The following ANKRD50 variants were observed in gnomAD, a reference collection of about 807,000 sequenced individuals.
The protein encoded by ANKRD50 is ankyrin repeat domain 50.
Under a neutral mutation model 112.0 loss-of-function variants are expected in ANKRD50, and 40 were observed. That is an observed-to-expected ratio of 0.36 (90% CI 0.28 to 0.46). The LOEUF is 0.46. Among genes scored for constraint, ANKRD50 ranks in the 20% least tolerant of loss-of-function variants. The pLI, the probability that ANKRD50 is intolerant of heterozygous loss-of-function variation, is 1.00. For missense variants in ANKRD50, 1,487 were observed against 1,701.7 expected (o/e 0.87, Z 2.22); for synonymous variants, 613 against 619.1 (o/e 0.99, Z 0.15).
chr4:124,671,779 A>T lies in ANKRD50; in HGVS notation c.1498T>A (p.Leu500Met). ...IPKEQEVLQL[L>M]VKAGAHVNSE... ...TTGACATGAGCCCCAGCTTTAACCAACAGCTGTAGCACTTCTTGTTCCTTG... is the reference window on the plus strand; with the variant it reads ...TTGACATGAGCCCCAGCTTTAACCATCAGCTGTAGCACTTCTTGTTCCTTG... Residue 500 changes from leucine to methionine, a missense_variant, in exon 4 of 5, where the codon TTG (leucine) becomes ATG (methionine). Physicochemically the swap from Leu to Met is conservative, Grantham distance 15. Around this residue, in one of 2 missense-constraint regions of ANKRD50, gnomAD observed 1,046 missense variants for 1,269.5 expected, o/e 0.82. Coordinates refer to ENST00000504087, the MANE Select transcript of ANKRD50 (RefSeq NM_020337.3). 1 of 1,613,868 alleles carries T rather than the reference A, an allele frequency of 6.2e-7. No individual in the cohort carries two copies. The highest frequency in any genetic ancestry group is 8.5e-7 in the Non-Finnish European group (1 of 1,179,854).
At position 124,670,034 on chromosome 4, in the gene ANKRD50, A is replaced by G. The variant is rs761745894; in HGVS notation, c.3243T>C (p.Ala1081=). The change falls in exon 4 of 5, where the codon GCT becomes GCC. Residue 1081 remains alanine, a synonymous_variant. Transcript: ENST00000504087. ...GTCCATTTTTGGCTGCAACACGCAT[A>G]GCAGTGCGTCCAAATTGATCAGCAT... ...PNHADQFGRT[A]MRVAAKNGHS... 1 of 1,611,636 alleles carries G rather than the reference A, an allele frequency of 6.2e-7. No homozygotes were observed. The highest frequency in any genetic ancestry group is 2.2e-5 in the East Asian group (1 of 44,854).
At chr4:124,672,950 T>G (rs1004754757) in intron 3 of ANKRD50, among the ~76,000 whole-genome samples, 5 of 152,014 alleles carry the variant, frequency 3.3e-5, no homozygotes, top group African/African-American at 9.7e-5. Context: ...TATAAATAAT[T>G]TATATATTTT....
chr4:124,690,487 C>T (rs1725110602), intron 2 of ANKRD50, among the ~76,000 whole-genome samples: 1 of 151,714 alleles, frequency 6.6e-6, no homozygotes, highest in Non-Finnish European at 1.5e-5. Context: ...AGAGCATTTC[C>T]CCAAAAATGT....
chr4:124,699,460 A>T (rs1725338763), intron 2 of ANKRD50, among the ~76,000 whole-genome samples: 3 of 152,106 alleles, frequency 2.0e-5, no homozygotes, highest in South Asian at 4.1e-4. Context: ...CTAAGCAGCA[A>T]TTTAACCAAC....
intron 2 of ANKRD50, 99 bp downstream of exon 2, chr4:124,709,901 C>A: frequency 6.8e-7 from 1 of 1,463,660 alleles, no homozygotes; most frequent in Non-Finnish European, 9.1e-7. Context: ...TGTACAGCAC[C>A]AGTAAAAGTA....
At chr4:124,704,653 C>A (rs1438526695) in intron 2 of ANKRD50, among the ~76,000 whole-genome samples, 1 of 152,198 alleles carries the variant, frequency 6.6e-6, no homozygotes, top group Non-Finnish European at 1.5e-5. Flanking sequence ...ATTATGCACT[C>A]ATTCAAAAGA....
rs958911779 is a variant in ANKRD50 at position 124,671,766 on chromosome 4, C to A, written c.1511G>T (p.Gly504Val). Residue 504 changes from glycine (G) to valine (V), a missense_variant, in exon 4 of 5, where the codon GGG becomes GTG. Gly to Val is a moderately radical substitution (Grantham distance 109). Transcript: ENST00000504087. ...ATCGTCTTCACTGTTGACATGAGCC[C>A]CAGCTTTAACCAACAGCTGTAGCAC... is the stretch of plus-strand genomic sequence containing the variant. ...QEVLQLLVKA[G>V]AHVNSEDDRT... is the part of the protein sequence containing the mutation. 1 of 1,613,724 alleles carries A rather than the reference C, an allele frequency of 6.2e-7. No individual in the cohort carries two copies. The highest frequency in any genetic ancestry group is 8.5e-7 in the Non-Finnish European group (1 of 1,179,858).
At position 124,710,350 on chromosome 4, in the gene ANKRD50, T is replaced by G. The variant is rs1416587590; in HGVS notation, c.162A>C (p.Val54=). ...CACTAGCATTATTCCCAGAATTCATTACAAGTGATGGTGCATTGACAGCAC... is the reference window on the plus strand; with the variant it reads ...CACTAGCATTATTCCCAGAATTCATGACAAGTGATGGTGCATTGACAGCAC... ...CNSAVNAPSL[V]MNSGNNASGV... Residue 54 remains valine, a synonymous_variant, in exon 2 of 5, where the codon GTA becomes GTC. Coordinates refer to ENST00000504087, the MANE Select transcript of ANKRD50 (RefSeq NM_020337.3). 1.9e-6 allele frequency: 3 copies of G among 1,614,198 alleles called. No individual in the cohort carries two copies. Among genetic ancestry groups the G allele is most frequent in the Non-Finnish European group, 2.5e-6 (3 of 1,180,040 alleles).
chr4:124,674,274 A>C (rs1238903966), intron 3 of ANKRD50, among the ~76,000 whole-genome samples: 1 of 151,964 alleles, frequency 6.6e-6, no homozygotes, highest in East Asian at 1.9e-4. Context: ...TACTTGATTT[A>C]CATGAAAGAT....
At chr4:124,701,154 G>A (rs940269041) in intron 2 of ANKRD50, among the ~76,000 whole-genome samples, 1 of 152,090 alleles carries the variant, frequency 6.6e-6, no homozygotes, top group Non-Finnish European at 1.5e-5. Context: ...GTAGAGACAG[G>A]GTTTCTCCAT....
At position 124,710,383 on chromosome 4, in the gene ANKRD50, G is replaced by A. The variant is rs553980694; in HGVS notation, c.129C>T (p.Cys43=). The A allele has an allele frequency of 3.7e-6, 6 of 1,614,170 alleles. No individual in the cohort carries two copies. The South Asian group carries it at 6.6e-5, about 18-fold the overall frequency. ...LQHCLQEKSN[C]CNSAVNAPSL... is the part of the protein sequence containing the mutation. ...ATGGTGCATTGACAGCACTATTGCA[G>A]CAGTTACTTTTCTCCTGGAGGCAAT... The change falls in exon 2 of 5, where the codon TGC becomes TGT. Residue 43 remains cysteine (C), a synonymous_variant. Coordinates refer to ENST00000504087, the MANE Select transcript of ANKRD50 (RefSeq NM_020337.3).
intron 2 of ANKRD50, among the ~76,000 whole-genome samples, chr4:124,681,130 G>A (rs1168207518): frequency 6.6e-6 from 1 of 151,386 alleles, no homozygotes; most frequent in East Asian, 1.9e-4. Flanking sequence ...GAGATATGAG[G>A]CCAATGCTTA....
At position 124,678,817 on chromosome 4, in the gene ANKRD50, T is replaced by G. The variant is rs754470202; in HGVS notation, c.601A>C (p.Thr201Pro). 1 of 1,613,866 alleles carries G rather than the reference T, an allele frequency of 6.2e-7. No individual in the cohort carries two copies. The highest frequency in any genetic ancestry group is 2.2e-5 in the East Asian group (1 of 44,850). The change falls in exon 3 of 5, where the codon ACT (threonine) becomes CCT (proline). Residue 201 changes from threonine to proline, a missense_variant. Coordinates refer to ENST00000504087, the MANE Select transcript of ANKRD50 (RefSeq NM_020337.3). The part of the protein sequence containing the change: ...VDSVDEGCNI[T>P]EGEQTSTSLS... ...CTGGTAGACGTTTGTTCACCTTCAG[T>G]AATGTTACACCCTTCATCAACAGAA...
chr4:124,679,617 G>A (rs547968756), intron 2 of ANKRD50, among the ~76,000 whole-genome samples: 1 of 152,192 alleles, frequency 6.6e-6, no homozygotes, highest in Admixed American at 6.5e-5. Context: ...GTGCTGTGGG[G>A]TCAATAAGGT....
chr4:124,682,301 C>T (rs1239271431), intron 2 of ANKRD50, among the ~76,000 whole-genome samples: 5 of 127,650 alleles, frequency 3.9e-5, no homozygotes, highest in Admixed American at 1.9e-4. Context: ...CCGGCCTGGG[C>T]GACAGAGCAA....
At chr4:124,697,896 G>A (rs1167535841) in intron 2 of ANKRD50, among the ~76,000 whole-genome samples, 2 of 152,016 alleles carry the variant, frequency 1.3e-5, no homozygotes, top group Non-Finnish European at 2.9e-5. Flanking sequence ...GTTGAAGATT[G>A]AGAATTGAAT....
chr4:124,686,144 T>A (rs2110516797), intron 2 of ANKRD50, among the ~76,000 whole-genome samples: 1 of 152,346 alleles, frequency 6.6e-6, no homozygotes, highest in Non-Finnish European at 1.5e-5. Context: ...TTAAAGCTAC[T>A]ATAAATAAAT....
At position 124,664,306 on chromosome 4, in the gene ANKRD50, T is replaced by G. The variant is rs750042560; in HGVS notation, c.*3212A>C. On this transcript the variant is annotated 3_prime_UTR_variant, in exon 5 of 5. Transcript: ENST00000504087. ...TAGGAAGACATAAACAGTAAATCTT[T>G]GTTTTTCTACCTTCCTTTGGACAGT... The G allele has an allele frequency of 6.6e-6, 1 of 152,020 alleles. No homozygotes were observed. Among genetic ancestry groups the G allele is most frequent in the Admixed American group, 6.6e-5 (1 of 15,242 alleles). The allele number at this position is 152,020 out of a possible 1,614,324, so 9.4% of individuals were successfully genotyped here.
chr4:124,698,939 C>G (rs1025735631), intron 2 of ANKRD50, among the ~76,000 whole-genome samples: 16 of 151,736 alleles, frequency 1.1e-4, no homozygotes, highest in Non-Finnish European at 4.4e-5. Context: ...GATTTATCAC[C>G]AAGTATTCAG....
Sources: allele counts gnomAD v4.1 joint callset (sites outside exome capture counted in the v4.1 genomes callset), GRCh38; gene constraint gnomAD v4.1.1; regional missense constraint gnomAD v4.1.1; transcripts MANE v1.5; gene names NCBI Gene and HGNC (gene_info 2026-07-23, HGNC 2026-07-21).